KALRN: variants seen among roughly 807,000 people sequenced by gnomAD.
The protein encoded by KALRN is kalirin.
KALRN carries 70 observed loss-of-function variants against 353.7 expected under a neutral mutation model. The ratio of observed to expected loss-of-function variants is 0.20; its 90% CI spans 0.16 to 0.24. KALRN has a LOEUF of 0.24. Among genes scored for constraint, KALRN ranks in the 10% least tolerant of loss-of-function variants. The pLI is 1.00. For synonymous variants in KALRN, 1,391 were observed against 1,434.8 expected (o/e 0.97, Z 0.69); for missense variants, 2,791 against 3,756.7 (o/e 0.74, Z 6.72).
chr3:124,086,127 CTT>C (rs553903557), intron 1 of KALRN, among the ~76,000 whole-genome samples: 1 of 150,484 alleles, frequency 6.6e-6, no homozygotes, highest in African/African-American at 2.4e-5. Context: ...TTTTTCTTTC[CTT>C]TTTTTTTCTG....
chr3:124,299,747 T>C (rs1246915297), intron 6 of KALRN, among the ~76,000 whole-genome samples: 1 of 152,224 alleles, frequency 6.6e-6, no homozygotes, highest in East Asian at 1.9e-4. Flanking sequence ...GCTGGTGTTA[T>C]GATAATGATA....
At chr3:124,681,189 C>T (rs1013589093) in intron 51 of KALRN, among the ~76,000 whole-genome samples, 1 of 152,102 alleles carries the variant, frequency 6.6e-6, no homozygotes, top group African/African-American at 2.4e-5. Flanking sequence ...GGATGTGGGG[C>T]CAGGGGAGCA....
Position 124,529,414 on chromosome 3 carries a change from T to C in KALRN, c.4935+33001T>C, listed in dbSNP as rs1473180096. Among the ~76,000 whole-genome samples the C allele has an allele frequency of 2.6e-5, 4 of 152,300 alleles. No individual in the cohort carries two copies. In the East Asian group the frequency reaches 7.7e-4, roughly 29 times the overall value. ...AAGGAGCATGCTGCTTGAGTTCCAGTTCTTGATAATGCAAGAGTGGAAGAC... is the reference window on the plus strand; with the variant it reads ...AAGGAGCATGCTGCTTGAGTTCCAGCTCTTGATAATGCAAGAGTGGAAGAC... On this transcript the variant is annotated intron_variant, in intron 33 of 59. Transcript: ENST00000682506.
At chr3:124,145,536 C>T (rs2067223997) in intron 1 of KALRN, among the ~76,000 whole-genome samples, 1 of 152,212 alleles carries the variant, frequency 6.6e-6, no homozygotes, top group African/African-American at 2.4e-5. Flanking sequence ...ACTCACTGCC[C>T]CTCTTCTTCT....
intron 1 of KALRN, among the ~76,000 whole-genome samples, chr3:124,080,854 T>A (rs1463433354): frequency 6.6e-6 from 1 of 152,198 alleles, no homozygotes; most frequent in East Asian, 1.9e-4. Context: ...ACTATACCAG[T>A]TTTGCCCATA....
chr3:124,109,378 G>A (rs1435066038), intron 1 of KALRN, among the ~76,000 whole-genome samples: 1 of 151,080 alleles, frequency 6.6e-6, no homozygotes, highest in Non-Finnish European at 1.5e-5. Flanking sequence ...GCAATTAAAT[G>A]TGTTCACTAA....
chr3:124,328,335 C>A (rs553043320), intron 7 of KALRN, among the ~76,000 whole-genome samples: 35 of 152,130 alleles, frequency 2.3e-4, no homozygotes, highest in Non-Finnish European at 4.0e-4. Context: ...TCAAGGTTTG[C>A]CCAGATTGGT....
chr3:124,090,556 T>G (rs1360011855), intron 1 of KALRN, among the ~76,000 whole-genome samples: 1 of 152,184 alleles, frequency 6.6e-6, no homozygotes, highest in Non-Finnish European at 1.5e-5. Flanking sequence ...TGTGGGGCCC[T>G]CTACTGGGCC....
At chr3:124,076,914 G>T (rs749962857) in intron 1 of KALRN, among the ~76,000 whole-genome samples, 5 of 152,212 alleles carry the variant, frequency 3.3e-5, no homozygotes, top group Non-Finnish European at 7.3e-5. Flanking sequence ...TTTAAATGTT[G>T]AAGCTAATTA....
intron 34 of KALRN, among the ~76,000 whole-genome samples, chr3:124,580,050 A>G (rs1043169280): frequency 6.6e-6 from 1 of 152,194 alleles, no homozygotes; most frequent in Non-Finnish European, 1.5e-5. Context: ...GGGCAAGGAC[A>G]ATGTCCGAAT....
At chr3:124,366,661 C>T (rs1303737952) in intron 10 of KALRN, among the ~76,000 whole-genome samples, 1 of 152,154 alleles carries the variant, frequency 6.6e-6, no homozygotes, top group African/African-American at 2.4e-5. Flanking sequence ...ACCTTTCCCC[C>T]CTTTCTATTC....
Position 124,657,003 on chromosome 3 carries a change from C to T in KALRN, c.5863-445C>T, listed in dbSNP as rs192882844. Reference sequence around the variant, plus strand: ...ACCCAGGTGCCTGGGTTTTCTTGTCCGTCAGATGGGGATAATGCTACCTGT... The same window carrying T: ...ACCCAGGTGCCTGGGTTTTCTTGTCTGTCAGATGGGGATAATGCTACCTGT... On this transcript the variant is annotated intron_variant, in intron 39 of 59. Transcript: ENST00000682506. Among the ~76,000 whole-genome samples, 196 of 152,178 alleles carry T rather than the reference C, an allele frequency of 1.3e-3. 2 individuals are homozygous for T. The highest frequency in any genetic ancestry group is 5.8e-4 in the East Asian group (3 of 5,186).
At chr3:124,398,942 G>T in intron 13 of KALRN, 71 bp downstream of exon 13, 1 of 1,482,092 alleles carries the variant, frequency 6.7e-7, no homozygotes, top group South Asian at 1.3e-5. Flanking sequence ...ACTGCCCCAG[G>T]GGCAGGGCAG....
intron 33 of KALRN, chr3:124,518,804 C>T: frequency 8.2e-7 from 1 of 1,219,670 alleles, no homozygotes. Flanking sequence ...GCCCAGGCTC[C>T]TGCTGCCCTA....
In KALRN at chr3:124,281,268, G is replaced by A. The variant is rs982479592; in HGVS notation, c.969+12013G>A. 3.3e-5 allele frequency among the ~76,000 whole-genome samples: 5 copies of A among 152,168 alleles called. No individual in the cohort carries two copies. The South Asian group carries it at 8.3e-4, about 25-fold the overall frequency. On this transcript the variant is annotated intron_variant, in intron 5 of 59. Transcript: ENST00000682506. ...ATAGGAACAACTGCTGATGTGGTGA[G>A]AAGATATACTCTGTAACATATGCGT...
At position 124,268,477 on chromosome 3, in the gene KALRN, G is replaced by C. The variant is rs1281622386; in HGVS notation, c.457-266G>C. On this transcript the variant is annotated intron_variant, in intron 4 of 59. Coordinates refer to ENST00000682506, the MANE Select transcript of KALRN (RefSeq NM_001388419.1). Reference sequence around the variant, plus strand: ...GTCAGGAGGAGGGAAAATGAGGAGAGGAGGGACACAAAAGCAGTTCTTCTG... The same window carrying C: ...GTCAGGAGGAGGGAAAATGAGGAGACGAGGGACACAAAAGCAGTTCTTCTG... 2.7e-5 allele frequency: 13 copies of C among 474,830 alleles called. No individual in the cohort carries two copies. The Admixed American group carries it at 4.0e-4, about 15-fold the overall frequency. The allele number at this position is 474,830 out of a possible 1,614,324, so 29.4% of individuals were successfully genotyped here.
intron 36 of KALRN, among the ~76,000 whole-genome samples, chr3:124,636,228 T>A (rs1213245536): frequency 6.6e-6 from 1 of 152,228 alleles, no homozygotes; most frequent in Non-Finnish European, 1.5e-5. Context: ...AAGGAGCCTA[T>A]GTCCTGGCCT....
chr3:124,422,939 G>A lies in KALRN; in HGVS notation c.2670G>A (p.Gln890=), dbSNP rs1442708628. The A allele has an allele frequency of 6.2e-7, 1 of 1,613,768 alleles. No individual in the cohort carries two copies. The highest frequency in any genetic ancestry group is 1.1e-5 in the South Asian group (1 of 91,062). ...NAEQTHKRLE[Q]CLQLRHLQAE... Reference sequence around the variant, plus strand: ...AGCAGACTCATAAGCGGCTAGAGCAGTGCCTCCAATTACGTCACCTCCAGG... The same window carrying A: ...AGCAGACTCATAAGCGGCTAGAGCAATGCCTCCAATTACGTCACCTCCAGG... The change falls in exon 15 of 60, where the codon CAG becomes CAA. Residue 890 remains glutamine (Q), a synonymous_variant. Coordinates refer to ENST00000682506, the MANE Select transcript of KALRN (RefSeq NM_001388419.1).
intron 1 of KALRN, among the ~76,000 whole-genome samples, chr3:124,035,331 A>C (rs1464610082): frequency 6.6e-6 from 1 of 152,156 alleles, no homozygotes; most frequent in Non-Finnish European, 1.5e-5. Flanking sequence ...TGATATTCAG[A>C]AATACTCATT....
Sources: allele counts gnomAD v4.1 joint callset (sites outside exome capture counted in the v4.1 genomes callset), GRCh38; gene constraint gnomAD v4.1.1; transcripts MANE v1.5; gene names NCBI Gene and HGNC (gene_info 2026-07-23, HGNC 2026-07-21).